C2CD3: variants seen among roughly 807,000 people sequenced by gnomAD.
C2CD3 encodes the protein C2 domain-containing protein 3.
C2CD3 carries 148 observed loss-of-function variants against 234.0 expected under a neutral mutation model. The ratio of observed to expected loss-of-function variants is 0.63; its 90% CI spans 0.55 to 0.72. The LOEUF (loss-of-function observed/expected upper bound fraction) is 0.72, where lower values mean the gene tolerates loss of function less well. Among genes scored for constraint, C2CD3 ranks in the 30% least tolerant of loss-of-function variants. The probability of loss-of-function intolerance (pLI) is 0.00; values close to 1 mark genes in which losing one functional copy is unlikely to be tolerated. For missense variants in C2CD3, 2,577 were observed against 2,811.5 expected (o/e 0.92, Z 1.89); for synonymous variants, 1,000 against 1,035.4 (o/e 0.97, Z 0.66).
intron 3 of C2CD3, among the ~76,000 whole-genome samples, chr11:74,153,582 T>C (rs978097702): frequency 2.0e-5 from 3 of 152,184 alleles, no homozygotes; most frequent in South Asian, 2.1e-4. Context: ...TGTTCATGGA[T>C]TGGAAGACTC....
intron 30 of C2CD3, chr11:74,034,664 T>A: frequency 7.4e-7 from 1 of 1,353,974 alleles, no homozygotes; most frequent in Non-Finnish European, 1.1e-6. Context: ...TGACAGTTAT[T>A]AAAACTACCT....
intron 14 of C2CD3, among the ~76,000 whole-genome samples, chr11:74,102,684 C>T (rs1405115980): frequency 6.6e-6 from 1 of 152,038 alleles, no homozygotes; most frequent in African/African-American, 2.4e-5. Context: ...AGTAAAGTTA[C>T]AAAAACCAAG....
intron 3 of C2CD3, among the ~76,000 whole-genome samples, chr11:74,154,218 A>G (rs1565351732): frequency 6.6e-6 from 1 of 152,118 alleles, no homozygotes; most frequent in East Asian, 1.9e-4. Context: ...GGTAAGATTG[A>G]TGGCTGGGCA....
rs571320752 is a variant in C2CD3 at position 74,061,090 on chromosome 11, G to C, written c.4952-3546C>G. Among the ~76,000 whole-genome samples the C allele has an allele frequency of 1.9e-4, 29 of 152,240 alleles. No homozygotes were observed. The South Asian group carries it at 5.4e-3, about 28-fold the overall frequency. Reference sequence around the variant, plus strand: ...AAGTTTAGAGAAAAAAGAGTAAAAAGAAATGAACAAAGCCTCCAAGAAATA... The same window carrying C: ...AAGTTTAGAGAAAAAAGAGTAAAAACAAATGAACAAAGCCTCCAAGAAATA... On this transcript the variant is annotated intron_variant, in intron 24 of 32. Coordinates refer to ENST00000334126, the MANE Select transcript of C2CD3 (RefSeq NM_001286577.2).
intron 9 of C2CD3, among the ~76,000 whole-genome samples, chr11:74,114,816 C>T (rs1956871185): frequency 6.6e-6 from 1 of 152,130 alleles, no homozygotes; most frequent in South Asian, 2.1e-4. Flanking sequence ...ATCCTCCCAC[C>T]TCAACTTCCC....
At position 74,118,226 on chromosome 11, in the gene C2CD3, ACCTATTTCTCTTG is replaced by A. The variant is rs1412040979; in HGVS notation, c.1509_1520+1del. 3 of 1,611,180 alleles carry A rather than the reference ACCTATTTCTCTTG, an allele frequency of 1.9e-6. No individual in the cohort carries two copies. Among genetic ancestry groups the A allele is most frequent in the Non-Finnish European group, 2.5e-6 (3 of 1,178,558 alleles). On this transcript the variant is annotated splice_donor_variant and coding_sequence_variant, in exon 9 of 33. Coordinates refer to ENST00000334126, the MANE Select transcript of C2CD3 (RefSeq NM_001286577.2). LOFTEE classifies it high-confidence loss of function. The stretch of plus-strand genomic sequence containing the variant: ...TTTAAATAAACAGTCAGAGCAGCTC[ACCTATTTCTCTTG>A]CCTGCTGACCTCTTCTTCAGCTTAT...
chr11:74,023,914 C>A (rs1220937120), intron 32 of C2CD3, among the ~76,000 whole-genome samples: 2 of 152,178 alleles, frequency 1.3e-5, no homozygotes, highest in Non-Finnish European at 2.9e-5. Context: ...TATGTGATTT[C>A]ATACCAATGA....
chr11:74,169,004 T>C (rs541502171), intron 1 of C2CD3, among the ~76,000 whole-genome samples: 1 of 152,350 alleles, frequency 6.6e-6, no homozygotes, highest in Admixed American at 6.5e-5. Flanking sequence ...AGTACAGTTG[T>C]TTTAATTATT....
chr11:74,149,833 G>A (rs1855477793), intron 3 of C2CD3, among the ~76,000 whole-genome samples: 1 of 151,984 alleles, frequency 6.6e-6, no homozygotes, highest in Non-Finnish European at 1.5e-5. Flanking sequence ...GTGTGGGAGA[G>A]GTACAAATTT....
At position 74,100,552 on chromosome 11, in the gene C2CD3, G is replaced by A. The variant is rs747237481; in HGVS notation, c.2705C>T (p.Pro902Leu). The A allele has an allele frequency of 6.2e-7, 1 of 1,612,276 alleles. No individual in the cohort carries two copies. The highest frequency in any genetic ancestry group is 8.5e-7 in the Non-Finnish European group (1 of 1,179,508). Reference protein sequence around the residue: ...QDKLLGLVKLPLHQFYMSFKD... With the variant: ...QDKLLGLVKLLLHQFYMSFKD... ...GAATGACATGTAAAACTGGTGGAGGGGAAGTTTCACCAGCCCGAGCAGCTT... is the reference window on the plus strand; with the variant it reads ...GAATGACATGTAAAACTGGTGGAGGAGAAGTTTCACCAGCCCGAGCAGCTT... Residue 902 changes from proline (P) to leucine (L), a missense_variant, in exon 15 of 33, where the codon CCC becomes CTC. By Grantham distance (98) the Pro-to-Leu change is moderately conservative. Transcript: ENST00000334126.
At chr11:74,107,186 A>G (rs993796347) in intron 12 of C2CD3, among the ~76,000 whole-genome samples, 3 of 152,060 alleles carry the variant, frequency 2.0e-5, no homozygotes, top group Non-Finnish European at 4.4e-5. Flanking sequence ...TTAGCTGGGC[A>G]TGGTGGCGGG....
intron 30 of C2CD3, 38 bp downstream of exon 30, chr11:74,037,440 G>T: frequency 6.7e-7 from 1 of 1,501,018 alleles, no homozygotes; most frequent in South Asian, 1.1e-5. Flanking sequence ...AGCACCTAGT[G>T]ACCATAACAT....
At chr11:74,038,647 C>T (rs952899895) in intron 29 of C2CD3, among the ~76,000 whole-genome samples, 6 of 152,182 alleles carry the variant, frequency 3.9e-5, no homozygotes, top group African/African-American at 1.4e-4. Flanking sequence ...CAAGCAACTC[C>T]CTGCTCTGTT....
chr11:74,085,219 C>T (rs908443041), intron 21 of C2CD3, among the ~76,000 whole-genome samples: 16 of 151,668 alleles, frequency 1.1e-4, no homozygotes, highest in South Asian at 2.1e-4. Context: ...CTCACTGCAC[C>T]TTGAACTCTT....
intron 32 of C2CD3, 101 bp from the exon 33 acceptor site, chr11:74,013,626 G>T: frequency 1.4e-6 from 1 of 709,166 alleles, no homozygotes; most frequent in Non-Finnish European, 2.0e-6. Flanking sequence ...TAATATTTAT[G>T]TAGAGCTGCC....
chr11:74,158,305 AAT>A (rs754632438), intron 3 of C2CD3, among the ~76,000 whole-genome samples: 10 of 152,370 alleles, frequency 6.6e-5, no homozygotes, highest in Non-Finnish European at 1.3e-4. Flanking sequence ...TAATATCCAG[AAT>A]ATATAAGAAA....
rs1955571440 is a variant in C2CD3, at chr11:74,084,909, T to A, written c.3972A>T (p.Pro1324=). The A allele has an allele frequency of 6.2e-7, 1 of 1,611,782 alleles. No homozygotes were observed. Among genetic ancestry groups the A allele is most frequent in the Non-Finnish European group, 8.5e-7 (1 of 1,177,946 alleles). The change falls in exon 22 of 33, where the codon CCA becomes CCT. Residue 1324 remains proline, a synonymous_variant. Coordinates refer to ENST00000334126, the MANE Select transcript of C2CD3 (RefSeq NM_001286577.2). ...ATCTCTTGATCAGCAGCTCTTTTGT[T>A]GGAACTTTTACTACTCCAAGCAGAT... The part of the protein sequence containing the change: ...KEYLLGVVKV[P]TKELLIKRSG...
At chr11:74,169,875 C>T (rs1857048892) in intron 1 of C2CD3, among the ~76,000 whole-genome samples, 1 of 152,152 alleles carries the variant, frequency 6.6e-6, no homozygotes, top group Non-Finnish European at 1.5e-5. Context: ...TAGCTTCAGT[C>T]CTCAACCCAA....
At chr11:74,123,704 A>G (rs1957299626) in intron 7 of C2CD3, among the ~76,000 whole-genome samples, 1 of 142,876 alleles carries the variant, frequency 7.0e-6, no homozygotes, top group Admixed American at 7.0e-5. Flanking sequence ...AGGAACAAAT[A>G]CTCCTTTTTT....
Sources: gnomAD v4.1 joint callset for allele counts (sites outside exome capture counted in the v4.1 genomes callset) on GRCh38, gnomAD v4.1.1 for gene constraint, MANE v1.5 for transcripts, NCBI Gene and HGNC (gene_info 2026-07-23, HGNC 2026-07-21) for gene names.